The following PIK3R4 variants were observed in gnomAD, a reference collection of about 807,000 sequenced individuals.
PIK3R4 encodes phosphoinositide-3-kinase regulatory subunit 4.
PIK3R4 carries 46 observed loss-of-function variants against 136.5 expected under a neutral mutation model. The observed-to-expected ratio is 0.34, with a 90% CI of 0.27 to 0.43. The LOEUF (loss-of-function observed/expected upper bound fraction) is 0.43. PIK3R4 is among the 20% of genes least tolerant of loss of function. PIK3R4 has a pLI of 1.00. For missense variants in PIK3R4, 1,331 were observed against 1,649.5 expected (o/e 0.81, Z 3.35); for synonymous variants, 557 against 566.7 (o/e 0.98, Z 0.24).
intron 2 of PIK3R4, among the ~76,000 whole-genome samples, chr3:130,739,111 C>T (rs1182191674): frequency 6.6e-6 from 1 of 152,240 alleles, no homozygotes; most frequent in Admixed American, 6.5e-5. Flanking sequence ...GAGTCTCACT[C>T]TTTCACCCAG....
Position 130,681,014 on chromosome 3 carries a change from G to T in PIK3R4, c.3760C>A (p.Pro1254Thr). The T allele has an allele frequency of 6.3e-7, 1 of 1,594,272 alleles. No individual in the cohort carries two copies. Among genetic ancestry groups the T allele is most frequent in the Non-Finnish European group, 8.6e-7 (1 of 1,164,896 alleles). ...TCTGAGCCAGCTGTTAGTAGGATAG[G>T]ATTTCCATCTGCAGGACTACAGTAG... is the stretch of plus-strand genomic sequence containing the variant. The part of the protein sequence containing the change: ...GIYCSPADGN[P>T]ILLTAGSDMK... Residue 1254 changes from proline (P) to threonine (T), a missense_variant, in exon 18 of 20, where the codon CCT becomes ACT. Physicochemically the swap from Pro to Thr is conservative, Grantham distance 38. Around this residue, in one of 2 missense-constraint regions of PIK3R4, gnomAD observed 1,180 missense variants for 1,407.0 expected, o/e 0.84. Transcript: ENST00000356763.
Position 130,705,687 on chromosome 3 carries a change from G to A in PIK3R4, c.2806C>T (p.Arg936Ter), listed in dbSNP as rs755134926. The change falls in exon 12 of 20, where the codon CGA (arginine) becomes TGA (stop). Residue 936 changes from arginine (R) to a stop codon, truncating the protein, a stop_gained. Transcript: ENST00000356763. LOFTEE classifies it high-confidence loss of function. Reference sequence around the variant, plus strand: ...AGTTCAGTTTTACAAGTTGTAATTCGAATCTGATAGGTGGATGGTAAGATT... The same window carrying A: ...AGTTCAGTTTTACAAGTTGTAATTCAAATCTGATAGGTGGATGGTAAGATT... Reference protein sequence around the residue: ...STILPSTYQIRITTCKTELQQ... With the variant: ...STILPSTYQI 1.2e-6 allele frequency: 2 copies of A among 1,611,794 alleles called. No homozygotes were observed. Among genetic ancestry groups the A allele is most frequent in the African/African-American group, 1.3e-5 (1 of 74,976 alleles).
rs377714934 is a variant in PIK3R4 at position 130,719,929 on chromosome 3, C to T, written c.1982-1395G>A. ...AGAACATGATGTGGGTAGCTACTGC[C>T]CCTACAATGAGGGCCCCAGAATGAG... On this transcript the variant is annotated intron_variant, in intron 7 of 19. Transcript: ENST00000356763. 3.5e-4 allele frequency among the ~76,000 whole-genome samples: 53 copies of T among 152,254 alleles called. No individual in the cohort carries two copies. In the South Asian group the frequency reaches 8.5e-3, roughly 24 times the overall value.
At chr3:130,703,293 CA>C (rs1185054699) in intron 13 of PIK3R4, among the ~76,000 whole-genome samples, 1 of 152,192 alleles carries the variant, frequency 6.6e-6, no homozygotes, top group Admixed American at 6.5e-5. Flanking sequence ...CCATGCCAAA[CA>C]TGTTTCTTCC....
chr3:130,727,427 G>C (rs975614851), intron 6 of PIK3R4, among the ~76,000 whole-genome samples: 4 of 152,098 alleles, frequency 2.6e-5, no homozygotes, highest in African/African-American at 7.2e-5. Context: ...GTTTCACCGT[G>C]TTAGCCAGGA....
intron 4 of PIK3R4, among the ~76,000 whole-genome samples, chr3:130,732,344 C>T (rs2066763882): frequency 6.6e-6 from 1 of 152,112 alleles, no homozygotes. Context: ...CAGAACATGA[C>T]CCGTTTAACA....
In PIK3R4 at chr3:130,708,504, TA is replaced by T; in HGVS notation, c.2332-13del. On this transcript the variant is annotated splice_polypyrimidine_tract_variant and intron_variant, in intron 9 of 19. Coordinates refer to ENST00000356763, the MANE Select transcript of PIK3R4 (RefSeq NM_014602.3). ...TCCTCTGTCATTCCCTAAAACCAAATAAAACCATATGTTCTAGTTTATTTTC... is the reference window on the plus strand; with the variant it reads ...TCCTCTGTCATTCCCTAAAACCAAATAAACCATATGTTCTAGTTTATTTTC... 3 of 1,599,796 alleles carry T rather than the reference TA, an allele frequency of 1.9e-6. No homozygotes were observed. The South Asian group carries it at 3.3e-5, about 18-fold the overall frequency.
intron 7 of PIK3R4, among the ~76,000 whole-genome samples, chr3:130,721,038 TAAA>T (rs562754588): frequency 2.1e-5 from 3 of 144,702 alleles, no homozygotes; most frequent in Non-Finnish European, 4.6e-5. Context: ...CCCTGTGTCT[TAAA>T]AAAAAAAAAT....
At chr3:130,739,526 C>A (rs1192510438) in intron 2 of PIK3R4, among the ~76,000 whole-genome samples, 1 of 152,008 alleles carries the variant, frequency 6.6e-6, no homozygotes, top group Non-Finnish European at 1.5e-5. Context: ...TGTACACCAC[C>A]ACGCCCAACT....
At chr3:130,680,527 G>T in intron 19 of PIK3R4, 86 bp downstream of exon 19, 1 of 650,076 alleles carries the variant, frequency 1.5e-6, no homozygotes, top group South Asian at 2.3e-5. Context: ...TCCTCGCTTG[G>T]TCAAGCCATT....
rs2066456106 is a variant in PIK3R4, at chr3:130,681,141, A to C, written c.3709-76T>G. Reference sequence around the variant, plus strand: ...AAATGATAGTGCTATTTCTAGAGGCAAGTTAACTGTCAGTAGCTTTACAAG... The same window carrying C: ...AAATGATAGTGCTATTTCTAGAGGCCAGTTAACTGTCAGTAGCTTTACAAG... On this transcript the variant is annotated intron_variant, in intron 17 of 19. Coordinates refer to ENST00000356763, the MANE Select transcript of PIK3R4 (RefSeq NM_014602.3). The C allele has an allele frequency of 3.5e-6, 3 of 858,706 alleles. No homozygotes were observed. The Admixed American group carries it at 5.2e-5, about 15-fold the overall frequency. 53.2% of individuals were successfully genotyped at this position (858,706 alleles called of 1,614,324 possible). A position where few individuals can be genotyped will look rare whatever the true frequency, so the allele number is the denominator to read the frequency against.
intron 2 of PIK3R4, among the ~76,000 whole-genome samples, chr3:130,737,249 G>C (rs1360710360): frequency 6.6e-6 from 1 of 152,074 alleles, no homozygotes; most frequent in Admixed American, 6.6e-5. Flanking sequence ...ACCCCTCACC[G>C]GACACATTCC....
At chr3:130,703,625 T>G in intron 13 of PIK3R4, 98 bp downstream of exon 13, 1 of 836,490 alleles carries the variant, frequency 1.2e-6, no homozygotes, top group Non-Finnish European at 1.9e-6. Context: ...TGTTGCTGTA[T>G]GCCTGGTACC....
chr3:130,708,566 A>C (rs548591623), intron 9 of PIK3R4, 74 bp from the exon 10 acceptor site: 15 of 1,282,218 alleles, frequency 1.2e-5, no homozygotes, highest in East Asian at 9.5e-5. Context: ...ATGACTAACA[A>C]CTGAAGGGAC....
In PIK3R4 at chr3:130,705,668, G is replaced by T; in HGVS notation, c.2825C>A (p.Thr942Asn). ...TTGCTGGATGAGTTGCTGAAGTTCA[G>T]TTTTACAAGTTGTAATTCGAATCTG... ...TYQIRITTCK[T>N]ELQQLIQQKR... The change falls in exon 12 of 20, where the codon ACT becomes AAT. Residue 942 changes from threonine to asparagine, a missense_variant. Transcript: ENST00000356763. 1 of 1,612,538 alleles carries T rather than the reference G, an allele frequency of 6.2e-7. No individual in the cohort carries two copies. Among genetic ancestry groups the T allele is most frequent in the African/African-American group, 1.3e-5 (1 of 74,994 alleles).
intron 16 of PIK3R4, among the ~76,000 whole-genome samples, chr3:130,683,002 G>C (rs2066468322): frequency 6.6e-6 from 1 of 152,144 alleles, no homozygotes; most frequent in Non-Finnish European, 1.5e-5. Flanking sequence ...GTTTGGACTA[G>C]GGAGATAGTG....
At chr3:130,729,661 T>C (rs144505880) in intron 5 of PIK3R4, among the ~76,000 whole-genome samples, 1,657 of 152,330 alleles carry the variant, frequency 0.011, 12 homozygotes, top group Non-Finnish European at 0.018. Flanking sequence ...TGTCTAAAAA[T>C]GGTGCCATTC....
At chr3:130,691,690 G>T (rs974166044) in intron 13 of PIK3R4, among the ~76,000 whole-genome samples, 2 of 151,810 alleles carry the variant, frequency 1.3e-5, no homozygotes, top group Admixed American at 6.6e-5. Context: ...AAAAGTTAAT[G>T]CATATTAAGT....
chr3:130,699,631 T>C (rs577273565), intron 13 of PIK3R4, among the ~76,000 whole-genome samples: 1 of 152,294 alleles, frequency 6.6e-6, no homozygotes, highest in Admixed American at 6.5e-5. Context: ...TCTCAGAAAA[T>C]TGACTTTGAC....
Sources: gnomAD v4.1 joint callset for allele counts (sites outside exome capture counted in the v4.1 genomes callset) on GRCh38, gnomAD v4.1.1 for gene constraint, gnomAD v4.1.1 regional missense constraint, MANE v1.5 for transcripts, NCBI Gene and HGNC (gene_info 2026-07-23, HGNC 2026-07-21) for gene names.